Variants in SLIT1 observed in about 807,000 individuals in gnomAD.
SLIT1 encodes slit homolog 1 protein.
Under a neutral mutation model 186.1 loss-of-function variants are expected in SLIT1, and 66 were observed. That is an observed-to-expected ratio of 0.35 (90% CI 0.29 to 0.44). SLIT1 has a LOEUF of 0.44. SLIT1 is among the 20% of genes least tolerant of loss of function. SLIT1 has a pLI of 1.00. For synonymous variants in SLIT1, 761 were observed against 833.8 expected (o/e 0.91, Z 1.50); for missense variants, 1,638 against 2,037.4 (o/e 0.80, Z 3.77).
At chr10:97,145,774 G>C (rs768672459) in intron 4 of SLIT1, among the ~76,000 whole-genome samples, 13 of 152,188 alleles carry the variant, frequency 8.5e-5, no homozygotes, top group Non-Finnish European at 1.8e-4. Flanking sequence ...CCTCCTCTGA[G>C]ACAAAGATAA....
In SLIT1 at chr10:97,094,863, C is replaced by G. The variant is rs192539854; in HGVS notation, c.414-28777G>C. On this transcript the variant is annotated intron_variant, in intron 4 of 36. Transcript: ENST00000266058. ...CCTTGGGTGGAAGGAAGAACTTTTA[C>G]AATTTATGGAATTATTTTAAACAAA... 2.0e-5 allele frequency among the ~76,000 whole-genome samples: 3 copies of G among 152,288 alleles called. No homozygotes were observed. In the East Asian group the frequency reaches 5.8e-4, roughly 29 times the overall value.
At chr10:97,100,681 T>C (rs978125325) in intron 4 of SLIT1, among the ~76,000 whole-genome samples, 2 of 152,050 alleles carry the variant, frequency 1.3e-5, no homozygotes, top group Non-Finnish European at 2.9e-5. Context: ...ATTAAAATAA[T>C]GACCATAACA....
chr10:97,057,900 G>C (rs1564664208), intron 11 of SLIT1: 6 of 691,346 alleles, frequency 8.7e-6, no homozygotes, highest in Non-Finnish European at 1.4e-5. Flanking sequence ...GGTTTGGGGA[G>C]GGGGGTTGTA....
chr10:97,166,223 T>C (rs1474405951), intron 1 of SLIT1, among the ~76,000 whole-genome samples: 1 of 151,882 alleles, frequency 6.6e-6, no homozygotes. Flanking sequence ...GTTTAGAAAG[T>C]GTTTGGTCCG....
chr10:97,182,014 C>T (rs555821856), intron 1 of SLIT1, among the ~76,000 whole-genome samples: 2 of 152,194 alleles, frequency 1.3e-5, no homozygotes, highest in Admixed American at 6.5e-5. Flanking sequence ...GGTCTCTCTG[C>T]GCCTGGGCAG....
chr10:97,141,668 C>T lies in SLIT1; in HGVS notation c.413+16150G>A, dbSNP rs377459026. On this transcript the variant is annotated intron_variant, in intron 4 of 36. Transcript: ENST00000266058. ...TATTGCATTGTATTGTATTGCATTG[C>T]ATTGTATCGTATTGTATCGTATCGT... Among the ~76,000 whole-genome samples, 305 of 108,922 alleles carry T rather than the reference C, an allele frequency of 2.8e-3. 1 individual carries two copies. The highest frequency in any genetic ancestry group is 9.9e-3 in the African/African-American group (251 of 25,320). The allele number at this position is 108,922 out of a possible 152,430, so 71.5% of individuals were successfully genotyped here. A position where few individuals can be genotyped will look rare whatever the true frequency, so the allele number is the denominator to read the frequency against.
intron 23 of SLIT1, 135 bp downstream of exon 23, chr10:97,034,336 C>G: frequency 1.4e-6 from 1 of 716,588 alleles, no homozygotes; most frequent in Non-Finnish European, 2.5e-6. Context: ...TTTAGGCTCT[C>G]AGGCCCGGCA....
chr10:97,031,279 T>A (rs2134609165), intron 24 of SLIT1, among the ~76,000 whole-genome samples: 1 of 151,996 alleles, frequency 6.6e-6, no homozygotes, highest in East Asian at 1.9e-4. Context: ...ACAGAAGAGG[T>A]TCACAAATCT....
intron 4 of SLIT1, among the ~76,000 whole-genome samples, chr10:97,119,056 G>A (rs547404893): frequency 1.3e-5 from 2 of 152,330 alleles, no homozygotes; most frequent in East Asian, 3.9e-4. Flanking sequence ...GGCCATTCAG[G>A]CAGGCACTGC....
intron 4 of SLIT1, among the ~76,000 whole-genome samples, chr10:97,110,626 G>A (rs1278205181): frequency 6.6e-6 from 1 of 152,184 alleles, no homozygotes; most frequent in Non-Finnish European, 1.5e-5. Context: ...CAAAAGTTAA[G>A]CTAAGGCTTA....
chr10:97,040,109 C>T lies in SLIT1; in HGVS notation c.2176G>A (p.Gly726Arg), dbSNP rs373429304. 2 of 1,579,214 alleles carry T rather than the reference C, an allele frequency of 1.3e-6. No individual in the cohort carries two copies. The highest frequency in any genetic ancestry group is 1.7e-6 in the Non-Finnish European group (2 of 1,163,402). Reference protein sequence around the residue: ...DFRCEEGQEEGGCLPRPQCPQ... With the variant: ...DFRCEEGQEERGCLPRPQCPQ... ...CACTGTGGGCGGGGCAGGCAGCCCC[C>T]CTCCTCCTGGCCTAGGGAAGAAGGC... is the stretch of plus-strand genomic sequence containing the variant. Residue 726 changes from glycine to arginine, a missense_variant, in exon 21 of 37, where the codon GGG becomes AGG. This residue lies in a region of SLIT1 where 1,245 missense variants were observed against 1,535.3 expected (regional missense o/e 0.81). Coordinates refer to ENST00000266058, the MANE Select transcript of SLIT1 (RefSeq NM_003061.3).
At chr10:97,091,307 A>G (rs1849229462) in intron 4 of SLIT1, among the ~76,000 whole-genome samples, 1 of 152,206 alleles carries the variant, frequency 6.6e-6, no homozygotes. Flanking sequence ...CCGTGAAGTG[A>G]GCCAGGTTCC....
chr10:97,010,860 C>T lies in SLIT1; in HGVS notation c.3341+133G>A, dbSNP rs753207619. The T allele has an allele frequency of 1.8e-5, 15 of 816,656 alleles. No homozygotes were observed. The highest frequency in any genetic ancestry group is 5.2e-5 in the African/African-American group (3 of 57,872). The allele number at this position is 816,656 out of a possible 1,614,324, so 50.6% of individuals were successfully genotyped here. Reference sequence around the variant, plus strand: ...GCACAGCTGGTGACTGGCAGAGCCACGGTTAAAACCCCAGCATCCAACTTC... The same window carrying T: ...GCACAGCTGGTGACTGGCAGAGCCATGGTTAAAACCCCAGCATCCAACTTC... On this transcript the variant is annotated intron_variant, in intron 31 of 36. Transcript: ENST00000266058. The surrounding 1 kb of genome is among the most constrained non-coding windows in gnomAD (Gnocchi z 4.8).
At position 97,100,739 on chromosome 10, in the gene SLIT1, C is replaced by T. The variant is rs989560932; in HGVS notation, c.414-34653G>A. Among the ~76,000 whole-genome samples the T allele has an allele frequency of 3.9e-5, 6 of 152,174 alleles. No homozygotes were observed. The East Asian group carries it at 7.7e-4, about 20-fold the overall frequency. On this transcript the variant is annotated intron_variant, in intron 4 of 36. Transcript: ENST00000266058. ...GTTCATTTTCATTAGCATCACACAT[C>T]GGCAATTTTAAGGCATGTCAGTGAT... is the stretch of plus-strand genomic sequence containing the variant.
At chr10:97,082,612 T>G (rs1849116647) in intron 4 of SLIT1, among the ~76,000 whole-genome samples, 1 of 151,968 alleles carries the variant, frequency 6.6e-6, no homozygotes, top group Non-Finnish European at 1.5e-5. Flanking sequence ...TTCTTTGTAT[T>G]TTTAGTAGGG....
chr10:97,099,028 G>C (rs1024984121), intron 4 of SLIT1, among the ~76,000 whole-genome samples: 14 of 152,278 alleles, frequency 9.2e-5, no homozygotes, highest in African/African-American at 2.9e-4. Flanking sequence ...GACCAAGGGA[G>C]CGAGCGTGTG....
chr10:97,002,144 G>A lies in SLIT1; in HGVS notation c.4366+14C>T, dbSNP rs1010557929. On this transcript the variant is annotated intron_variant, in intron 36 of 36. Coordinates refer to ENST00000266058, the MANE Select transcript of SLIT1 (RefSeq NM_003061.3). ...GGACCCTGGGGAGGGCACGTCAGGA[G>A]GGGGGCCCCTGACCTTGCTCACACA... The A allele has an allele frequency of 1.4e-6, 2 of 1,424,992 alleles. No homozygotes were observed. The highest frequency in any genetic ancestry group is 2.8e-5 in the Admixed American group (1 of 35,342). 88.3% of individuals were successfully genotyped at this position (1,424,992 alleles called of 1,614,324 possible).
chr10:97,060,210 T>G (rs1378262610), intron 9 of SLIT1, 52 bp from the exon 10 acceptor site: 1 of 1,461,540 alleles, frequency 6.8e-7, no homozygotes, highest in Admixed American at 1.7e-5. Context: ...AGCCCAGCCC[T>G]GGGTGTTATC....
At chr10:97,171,060 T>G (rs1397085098) in intron 1 of SLIT1, among the ~76,000 whole-genome samples, 7 of 151,326 alleles carry the variant, frequency 4.6e-5, no homozygotes, top group East Asian at 1.9e-4. Flanking sequence ...CTCAAAAAAA[T>G]AAAAAAAGAA....
Sources: allele counts gnomAD v4.1 joint callset (sites outside exome capture counted in the v4.1 genomes callset), GRCh38; gene constraint gnomAD v4.1.1; regional missense constraint gnomAD v4.1.1; non-coding constraint Gnocchi (gnomAD v3.1); transcripts MANE v1.5; gene names NCBI Gene and HGNC (gene_info 2026-07-23, HGNC 2026-07-21).